Variants in NALF1 observed in about 807,000 individuals in gnomAD.
NALF1 encodes the protein family with sequence similarity 155 member A.
Under a neutral mutation model 48.4 loss-of-function variants are expected in NALF1, and 3 were observed. The observed-to-expected ratio is 0.06, with a 90% CI of 0.03 to 0.16. The LOEUF (loss-of-function observed/expected upper bound fraction) is 0.16, where lower values mean the gene tolerates loss of function less well. NALF1 is among the 10% of genes least tolerant of loss of function. The pLI is 1.00. For missense variants in NALF1, 526 were observed against 571.5 expected (o/e 0.92, Z 0.81); for synonymous variants, 262 against 245.7 (o/e 1.07, Z -0.62).
chr13:107,538,692 A>G (rs1876912476), intron 1 of NALF1, among the ~76,000 whole-genome samples: 2 of 152,156 alleles, frequency 1.3e-5, no homozygotes, highest in African/African-American at 2.4e-5. Context: ...TTGGAATCAG[A>G]CCTCAGTTCA....
At chr13:107,804,088 C>A (rs1401271455) in intron 1 of NALF1, among the ~76,000 whole-genome samples, 2 of 152,174 alleles carry the variant, frequency 1.3e-5, no homozygotes, top group Non-Finnish European at 2.9e-5. Flanking sequence ...CTGGAATTAT[C>A]TTTCCTAAAC....
At chr13:107,333,635 A>G (rs1882507466) in intron 1 of NALF1, among the ~76,000 whole-genome samples, 1 of 152,230 alleles carries the variant, frequency 6.6e-6, no homozygotes, top group Admixed American at 6.5e-5. Context: ...ATCAGCGAAC[A>G]GTGAGAATTG....
intron 1 of NALF1, among the ~76,000 whole-genome samples, chr13:107,578,274 G>A (rs1311107794): frequency 8.5e-6 from 1 of 118,286 alleles, no homozygotes; most frequent in East Asian, 2.2e-4. Context: ...CCCTAGCACA[G>A]TACCCTGTTC....
At chr13:107,457,704 T>A (rs957678765) in intron 1 of NALF1, among the ~76,000 whole-genome samples, 1 of 152,186 alleles carries the variant, frequency 6.6e-6, no homozygotes, top group Non-Finnish European at 1.5e-5. Context: ...GAAATTAAAA[T>A]CTCAGATAAA....
chr13:107,595,522 A>C (rs1878719551), intron 1 of NALF1, among the ~76,000 whole-genome samples: 1 of 152,166 alleles, frequency 6.6e-6, no homozygotes, highest in African/African-American at 2.4e-5. Context: ...CACATGCTTC[A>C]TTTCATAACA....
At position 107,572,878 on chromosome 13, in the gene NALF1, C is replaced by G. The variant is rs565116398; in HGVS notation, c.915+292804G>C. Among the ~76,000 whole-genome samples, 28 of 152,262 alleles carry G rather than the reference C, an allele frequency of 1.8e-4. 1 individual carries two copies. In the South Asian group the frequency reaches 5.6e-3, roughly 30 times the overall value. On this transcript the variant is annotated intron_variant, in intron 1 of 2. Coordinates refer to ENST00000375915, the MANE Select transcript of NALF1 (RefSeq NM_001080396.3). ...AAAACATATGTCAAATCATGTCACT[C>G]TCTTCTTCAAAACATGCCAGTGACT...
intron 1 of NALF1, among the ~76,000 whole-genome samples, chr13:107,423,533 G>A (rs1055571001): frequency 9.2e-5 from 14 of 151,952 alleles, no homozygotes; most frequent in Non-Finnish European, 4.4e-5. Flanking sequence ...TTCCTTACAA[G>A]CAGCAAATAT....
rs565043804 is a variant in NALF1 at position 107,497,464 on chromosome 13, A to G, written c.916-286709T>C. Among the ~76,000 whole-genome samples the G allele has an allele frequency of 3.9e-4, 59 of 152,318 alleles. No homozygotes were observed. The South Asian group carries it at 0.012, about 31-fold the overall frequency. ...GTGTTTTCATTTATCTTACATGGCT[A>G]TATGGTCATCTCTACAAATATGGTC... On this transcript the variant is annotated intron_variant, in intron 1 of 2. Coordinates refer to ENST00000375915, the MANE Select transcript of NALF1 (RefSeq NM_001080396.3).
intron 1 of NALF1, among the ~76,000 whole-genome samples, chr13:107,293,082 GCTATT>G (rs1881657697): frequency 1.4e-5 from 2 of 145,756 alleles, no homozygotes; most frequent in Admixed American, 1.4e-4. Flanking sequence ...CTGGGTTCAC[GCTATT>G]CTCTTGCCTC....
At chr13:107,606,586 G>A (rs527695490) in intron 1 of NALF1, among the ~76,000 whole-genome samples, 79 of 151,990 alleles carry the variant, frequency 5.2e-4, no homozygotes, top group Admixed American at 7.2e-4. Context: ...GGCTGGTTTC[G>A]AACTCCTGAC....
At chr13:107,273,519 T>C (rs1364633083) in intron 1 of NALF1, among the ~76,000 whole-genome samples, 1 of 152,230 alleles carries the variant, frequency 6.6e-6, no homozygotes. Context: ...AAATTTACTT[T>C]CCTTTTTAAC....
At position 107,237,099 on chromosome 13, in the gene NALF1, T is replaced by C. The variant is rs950817479; in HGVS notation, c.916-26344A>G. Among the ~76,000 whole-genome samples the C allele has an allele frequency of 2.8e-4, 43 of 151,658 alleles. No individual in the cohort carries two copies. In the South Asian group the frequency reaches 8.5e-3, roughly 30 times the overall value. Reference sequence around the variant, plus strand: ...GGAAAACTGTATGTGGTTTTTTTTTTTTTTTTCTGTTTTTGATTATAGGGC... The same window carrying C: ...GGAAAACTGTATGTGGTTTTTTTTTCTTTTTTCTGTTTTTGATTATAGGGC... On this transcript the variant is annotated intron_variant, in intron 1 of 2. Transcript: ENST00000375915.
intron 1 of NALF1, among the ~76,000 whole-genome samples, chr13:107,674,862 TC>T (rs1320661034): frequency 1.3e-5 from 2 of 152,106 alleles, no homozygotes; most frequent in Non-Finnish European, 2.9e-5. Flanking sequence ...CCGAAATGTT[TC>T]TTTTTTGCAC....
chr13:107,571,908 T>A (rs558118411), intron 1 of NALF1, among the ~76,000 whole-genome samples: 1 of 152,268 alleles, frequency 6.6e-6, no homozygotes, highest in African/African-American at 2.4e-5. Flanking sequence ...TTTTCTTTAA[T>A]TGCCTTTTTA....
intron 1 of NALF1, among the ~76,000 whole-genome samples, chr13:107,639,780 A>G (rs370077089): frequency 6.6e-6 from 1 of 152,152 alleles, no homozygotes; most frequent in Non-Finnish European, 1.5e-5. Context: ...TGTCCAGCTC[A>G]GGTCCTTGCT....
At chr13:107,591,069 G>T (rs1196748039) in intron 1 of NALF1, among the ~76,000 whole-genome samples, 1 of 151,974 alleles carries the variant, frequency 6.6e-6, no homozygotes, top group Non-Finnish European at 1.5e-5. Context: ...ACAGTAAAGA[G>T]AAAAGAGACC....
chr13:107,400,205 A>G (rs1461045685), intron 1 of NALF1, among the ~76,000 whole-genome samples: 5 of 152,168 alleles, frequency 3.3e-5, no homozygotes, highest in Non-Finnish European at 7.4e-5. Flanking sequence ...AATTTGGTCT[A>G]TTATCAATAA....
At chr13:107,514,535 C>T (rs1359139) in intron 1 of NALF1, among the ~76,000 whole-genome samples, 102,217 of 151,894 alleles carry the variant, frequency 0.67, 35,251 homozygotes, top group Middle Eastern at 0.78. Context: ...GAAGGCCAGC[C>T]GTGCCATCAA....
At chr13:107,183,879 A>G (rs1159551024) in intron 2 of NALF1, among the ~76,000 whole-genome samples, 1 of 152,060 alleles carries the variant, frequency 6.6e-6, no homozygotes, top group South Asian at 2.1e-4. Flanking sequence ...GCATTAGGAG[A>G]AATACCTAAT....
Sources: gnomAD v4.1 joint callset for allele counts (sites outside exome capture counted in the v4.1 genomes callset) on GRCh38, gnomAD v4.1.1 for gene constraint, MANE v1.5 for transcripts, NCBI Gene and HGNC (gene_info 2026-07-23, HGNC 2026-07-21) for gene names.